The following CNTN6 variants were observed in gnomAD, a reference collection of about 807,000 sequenced individuals.
CNTN6 encodes contactin-6.
Under a neutral mutation model 122.8 loss-of-function variants are expected in CNTN6, and 137 were observed. That is an observed-to-expected ratio of 1.12 (90% confidence interval 0.97 to 1.29). The LOEUF (loss-of-function observed/expected upper bound fraction) is 1.29, where lower values mean the gene tolerates loss of function less well. Among genes scored for constraint, CNTN6 ranks in the 50% most tolerant of loss-of-function variants. CNTN6 has a pLI of 0.00. For synonymous variants in CNTN6, 570 were observed against 426.0 expected, an observed-to-expected ratio of 1.34 and a Z score of -4.16; for missense variants, 1,634 against 1,223.4, an observed-to-expected ratio of 1.34 and a Z score of -5.01.
chr3:1,184,282 A>C (rs1297356249), intron 2 of CNTN6, among the ~76,000 whole-genome samples: 1 of 152,152 alleles, frequency 6.6e-6, no homozygotes, highest in Non-Finnish European at 1.5e-5. Flanking sequence ...TTTGTTTTAC[A>C]TTTGGTAGTT....
chr3:1,267,779 C>G (rs911477696), intron 4 of CNTN6, among the ~76,000 whole-genome samples: 2 of 152,004 alleles, frequency 1.3e-5, no homozygotes, highest in East Asian at 1.9e-4. Flanking sequence ...ATGAATTCAA[C>G]AAGCTGATCT....
chr3:1,372,225 A>T (rs9869771), intron 12 of CNTN6, 74 bp from the exon 13 acceptor site: 35,061 of 1,153,998 alleles, frequency 0.03, 597 homozygotes, highest in African/African-American at 0.041. Flanking sequence ...ATGATAAAGT[A>T]TTCAGAAATA....
rs1450396166 is a variant in CNTN6 at position 1,377,067 on chromosome 3, A to C, written c.2158A>C (p.Thr720Pro). The C allele has an allele frequency of 6.3e-7, 1 of 1,597,598 alleles. No individual in the cohort carries two copies. Among genetic ancestry groups the C allele is most frequent in the East Asian group, 2.3e-5 (1 of 44,230 alleles). ...AGGAAGTCGGTCTGAACTCGTCATT[A>C]CGTGGGAGGTAATTTTCTGTCCAAC... The part of the protein sequence containing the change: ...GGGSRSELVI[T>P]WESIPEELQN... Residue 720 changes from threonine (T) to proline (P), a missense_variant, in exon 17 of 23, where the codon ACG (threonine) becomes CCG (proline). Physicochemically the swap from Thr to Pro is conservative, Grantham distance 38. Transcript: ENST00000446702.
At chr3:1,160,049 G>C (rs954838928) in intron 2 of CNTN6, among the ~76,000 whole-genome samples, 1 of 152,048 alleles carries the variant, frequency 6.6e-6, no homozygotes, top group Non-Finnish European at 1.5e-5. Context: ...TTGAACTCCT[G>C]ACCTCGTGAT....
chr3:1,147,997 TAGAA>T lies in CNTN6; in HGVS notation c.-9_-6del. The T allele has an allele frequency of 6.2e-7, 1 of 1,604,426 alleles. No individual in the cohort carries two copies. Among genetic ancestry groups the T allele is most frequent in the Non-Finnish European group, 8.5e-7 (1 of 1,172,688 alleles). On this transcript the variant is annotated 5_prime_UTR_variant, in exon 2 of 23. Transcript: ENST00000446702. ...ATTGTATGGGAGAAATTTTTGACCTTAGAAAGTGGAAATGAGGTTGCTATGGAAA... is the reference window on the plus strand; with the variant it reads ...ATTGTATGGGAGAAATTTTTGACCTTAGTGGAAATGAGGTTGCTATGGAAA...
At chr3:1,383,859 A>G (rs2126184337) in intron 19 of CNTN6, among the ~76,000 whole-genome samples, 1 of 152,292 alleles carries the variant, frequency 6.6e-6, no homozygotes. Flanking sequence ...AAAGGGTGGT[A>G]ACCTCCAGGC....
At position 1,321,014 on chromosome 3, in the gene CNTN6, C is replaced by T. The variant is rs557791259; in HGVS notation, c.762-636C>T. On this transcript the variant is annotated intron_variant, in intron 7 of 22. Coordinates refer to ENST00000446702, the MANE Select transcript of CNTN6 (RefSeq NM_001289080.2). ...ATCTTTGTTTTACTTTTTTTTAAAT[C>T]GTATATAAATGAGTACTTTTTTTGA... Among the ~76,000 whole-genome samples, 4 of 151,256 alleles carry T rather than the reference C, an allele frequency of 2.6e-5. No individual in the cohort carries two copies. In the South Asian group the frequency reaches 6.2e-4, roughly 24 times the overall value.
At chr3:1,259,367 T>A (rs772192434) in intron 4 of CNTN6, among the ~76,000 whole-genome samples, 1 of 152,168 alleles carries the variant, frequency 6.6e-6, no homozygotes, top group Non-Finnish European at 1.5e-5. Flanking sequence ...CATTAATTAA[T>A]AGAAATGCAA....
intron 3 of CNTN6, 120 bp downstream of exon 3, chr3:1,220,933 C>T: frequency 2.0e-5 from 21 of 1,056,240 alleles, no homozygotes; most frequent in Non-Finnish European, 2.7e-5. Context: ...AGGAATTTCT[C>T]TACGGGTATG....
chr3:1,145,898 A>G, intron 1 of CNTN6, among the ~76,000 whole-genome samples: 1 of 152,174 alleles, frequency 6.6e-6, no homozygotes, highest in Admixed American at 6.6e-5. Context: ...TCCATTGCAT[A>G]AACTGGCATA....
chr3:1,382,477 T>A (rs1692048328), intron 17 of CNTN6, among the ~76,000 whole-genome samples: 1 of 152,216 alleles, frequency 6.6e-6, no homozygotes, highest in African/African-American at 2.4e-5. Context: ...ATATTCTGTG[T>A]CTTAAAGCAT....
At chr3:1,129,737 C>T (rs1354553048) in intron 1 of CNTN6, among the ~76,000 whole-genome samples, 1 of 152,022 alleles carries the variant, frequency 6.6e-6, no homozygotes, top group East Asian at 1.9e-4. Context: ...CTGCTGGAGG[C>T]ACATGTCTAT....
intron 4 of CNTN6, among the ~76,000 whole-genome samples, chr3:1,245,282 C>T (rs774931906): frequency 0.41 from 2,410 of 5,874 alleles, 592 homozygotes; most frequent in Non-Finnish European, 0.46. Context: ...TATACACACA[C>T]ATATATATAT....
At chr3:1,364,508 A>G (rs1303070696) in intron 12 of CNTN6, among the ~76,000 whole-genome samples, 1 of 145,740 alleles carries the variant, frequency 6.9e-6, no homozygotes, top group Non-Finnish European at 1.5e-5. Context: ...AGTTGAAGGA[A>G]AAAAAAAACA....
At chr3:1,383,948 T>C (rs1465220749) in intron 19 of CNTN6, among the ~76,000 whole-genome samples, 1 of 145,714 alleles carries the variant, frequency 6.9e-6, no homozygotes, top group Non-Finnish European at 1.5e-5. Context: ...TGGTTGTGTC[T>C]TATGGAGAGG....
intron 6 of CNTN6, 92 bp downstream of exon 6, chr3:1,295,896 G>A (rs1218399419): frequency 3.5e-6 from 4 of 1,157,462 alleles, no homozygotes; most frequent in Non-Finnish European, 4.9e-6. Context: ...TTCTTGTTTG[G>A]TGGAGCCAAA....
chr3:1,366,863 A>G (rs1201950351), intron 12 of CNTN6, among the ~76,000 whole-genome samples: 1 of 152,118 alleles, frequency 6.6e-6, no homozygotes, highest in East Asian at 1.9e-4. Context: ...AGGAGGAACT[A>G]TGCATCCCCT....
intron 2 of CNTN6, among the ~76,000 whole-genome samples, chr3:1,172,853 A>G (rs777530097): frequency 2.6e-5 from 4 of 152,196 alleles, no homozygotes; most frequent in Non-Finnish European, 4.4e-5. Context: ...AAAATGATTT[A>G]GAGGCAGCTG....
intron 2 of CNTN6, among the ~76,000 whole-genome samples, chr3:1,205,442 T>G (rs985001152): frequency 6.6e-6 from 1 of 152,218 alleles, no homozygotes; most frequent in Non-Finnish European, 1.5e-5. Flanking sequence ...TTTCTTTCTT[T>G]TGTCAATTCC....
Sources: gnomAD v4.1 joint callset for allele counts (sites outside exome capture counted in the v4.1 genomes callset) on GRCh38, gnomAD v4.1.1 for gene constraint, MANE v1.5 for transcripts, NCBI Gene and HGNC (gene_info 2026-07-23, HGNC 2026-07-21) for gene names.